The following BDP1 variants were observed in gnomAD, a reference collection of about 807,000 sequenced individuals.
BDP1 encodes the protein BDP1 general transcription factor IIIB subunit.
A neutral mutation model predicts 266.6 loss-of-function variants in BDP1; 169 were observed. The ratio of observed to expected loss-of-function variants is 0.63; its 90% CI spans 0.56 to 0.72. The LOEUF (loss-of-function observed/expected upper bound fraction) is 0.72, where lower values mean the gene tolerates loss of function less well. Among genes scored for constraint, BDP1 ranks in the 30% least tolerant of loss-of-function variants. BDP1 has a pLI of 0.00. For synonymous variants in BDP1, 1,090 were observed against 1,022.4 expected (o/e 1.07, Z -1.26); for missense variants, 3,015 against 3,053.8 (o/e 0.99, Z 0.30).
chr5:71,575,689 C>T, the BDP1 span, among the ~76,000 whole-genome samples: 1 of 152,134 alleles, frequency 6.6e-6, no homozygotes, highest in Non-Finnish European at 1.5e-5. Flanking sequence ...CCTCAATTTG[C>T]CTTCTCTGTG....
intron 5 of BDP1, among the ~76,000 whole-genome samples, chr5:71,466,969 C>T (rs983966367): frequency 6.6e-6 from 1 of 152,104 alleles, no homozygotes; most frequent in Non-Finnish European, 1.5e-5. Flanking sequence ...TAACTGCTTT[C>T]TCTGCAGGAA....
chr5:71,478,610 C>T (rs543471699), intron 7 of BDP1, among the ~76,000 whole-genome samples: 4 of 151,350 alleles, frequency 2.6e-5, no homozygotes, highest in African/African-American at 9.7e-5. Context: ...GTAATCATAT[C>T]GTTCTTGCCT....
chr5:71,568,327 G>T (rs1380858752), downstream of BDP1, among the ~76,000 whole-genome samples: 1 of 152,116 alleles, frequency 6.6e-6, no homozygotes, highest in East Asian at 1.9e-4. Context: ...CTAAAAATCG[G>T]CAGTCTTACG....
intron 16 of BDP1, among the ~76,000 whole-genome samples, chr5:71,508,586 A>G (rs1349173962): frequency 6.6e-6 from 1 of 152,116 alleles, no homozygotes; most frequent in Non-Finnish European, 1.5e-5. Context: ...GCCCAGCTCA[A>G]TACGTCTTTT....
At chr5:71,513,525 G>A (rs1456936104) in intron 19 of BDP1, 118 bp downstream of exon 19, 2 of 688,644 alleles carry the variant, frequency 2.9e-6, no homozygotes, top group Non-Finnish European at 5.0e-6. Context: ...AATTTTTGCT[G>A]CATGTGATAT....
At chr5:71,495,176 A>T in intron 11 of BDP1, 74 bp from the exon 12 acceptor site, 1 of 941,388 alleles carries the variant, frequency 1.1e-6, no homozygotes, top group South Asian at 3.1e-5. Context: ...TGTGTGTTTA[A>T]CATTTTTAAA....
In BDP1 at chr5:71,504,608, G is replaced by A. The variant is rs576905418; in HGVS notation, c.2242-13G>A. The stretch of plus-strand genomic sequence containing the variant: ...GAAACCTAAAACATTAGAAAAATTT[G>A]TTTGTTTTTAAGACTCCTCAACACA... On this transcript the variant is annotated splice_polypyrimidine_tract_variant and intron_variant, in intron 15 of 38. Transcript: ENST00000358731. 2 of 1,592,952 alleles carry A rather than the reference G, an allele frequency of 1.3e-6. No individual in the cohort carries two copies. Among genetic ancestry groups the A allele is most frequent in the African/African-American group, 2.7e-5 (2 of 73,998 alleles).
Position 71,510,564 on chromosome 5 carries a change from A to G in BDP1, c.3472A>G (p.Asn1158Asp). The G allele has an allele frequency of 6.2e-7, 1 of 1,613,938 alleles. No individual in the cohort carries two copies. Among genetic ancestry groups the G allele is most frequent in the Non-Finnish European group, 8.5e-7 (1 of 1,180,026 alleles). The change falls in exon 17 of 39, where the codon AAT (asparagine) becomes GAT (aspartate). Residue 1158 changes from asparagine (N) to aspartate (D), a missense_variant. Physicochemically the swap from Asn to Asp is conservative, Grantham distance 23. Coordinates refer to ENST00000358731, the MANE Select transcript of BDP1 (RefSeq NM_018429.3). The stretch of plus-strand genomic sequence containing the variant: ...AAGAAGAGAAATATCCCCAGAGGAA[A>G]ATGGCCCAGAGGAGGTCAAGCCTGT... ...TGRREISPEE[N>D]GPEEVKPVDE...
At chr5:71,530,402 AT>A (rs879465844) in intron 25 of BDP1, among the ~76,000 whole-genome samples, 2 of 149,354 alleles carry the variant, frequency 1.3e-5, no homozygotes, top group African/African-American at 2.5e-5. Context: ...CACCCGGCTA[AT>A]TTTTTTTTTA....
chr5:71,486,132 A>G (rs1289617283), intron 8 of BDP1, among the ~76,000 whole-genome samples: 1 of 152,110 alleles, frequency 6.6e-6, no homozygotes, highest in African/African-American at 2.4e-5. Context: ...TCCACTCAGT[A>G]TGTTTTTGAG....
intron 14 of BDP1, among the ~76,000 whole-genome samples, chr5:71,502,375 T>C (rs199942017): frequency 6.6e-6 from 1 of 151,922 alleles, no homozygotes; most frequent in Non-Finnish European, 1.5e-5. Context: ...GGTTTAACCA[T>C]GTCGGCCAGG....
rs757977723 is a variant in BDP1, at chr5:71,495,433, T to A, written c.1799+25T>A. 2.7e-6 allele frequency: 4 copies of A among 1,493,184 alleles called. 1 individual carries two copies. 92.5% of individuals were successfully genotyped at this position (1,493,184 alleles called of 1,614,324 possible). Reference sequence around the variant, plus strand: ...TGTAAGTATTTTATACGATAGGATTTATTTATAAAATTTTGATAAGGTTCT... The same window carrying A: ...TGTAAGTATTTTATACGATAGGATTAATTTATAAAATTTTGATAAGGTTCT... On this transcript the variant is annotated intron_variant, in intron 12 of 38. Transcript: ENST00000358731.
rs1743250385 is a variant in BDP1 at position 71,556,887 on chromosome 5, T to C, written c.7202T>C (p.Val2401Ala). Residue 2401 changes from valine to alanine, a missense_variant and splice_region_variant, in exon 36 of 39, where the codon GTG becomes GCG. Around this residue, in one of 3 missense-constraint regions of BDP1, gnomAD observed 629 missense variants for 632.5 expected, o/e 0.99. Transcript: ENST00000358731. Reference sequence around the variant, plus strand: ...TTTTTTTAAATTTTCTTAAAATAGGTGCACTCAAAGGAATTAACAAATGTT... The same window carrying C: ...TTTTTTTAAATTTTCTTAAAATAGGCGCACTCAAAGGAATTAACAAATGTT... ...RDDCQEYTTE[V>A]HSKELTNVFE... is the part of the protein sequence containing the mutation. 7.1e-7 allele frequency: 1 copy of C among 1,408,820 alleles called. No individual in the cohort carries two copies. The highest frequency in any genetic ancestry group is 1.5e-5 in the South Asian group (1 of 67,688). 87.3% of individuals were successfully genotyped at this position (1,408,820 alleles called of 1,614,324 possible).
intron 10 of BDP1, 65 bp from the exon 11 acceptor site, chr5:71,490,919 T>A: frequency 6.6e-7 from 1 of 1,521,032 alleles, no homozygotes; most frequent in South Asian, 1.3e-5. Flanking sequence ...GGTAAATTCC[T>A]TTGTGCTCTA....
intron 7 of BDP1, among the ~76,000 whole-genome samples, chr5:71,477,198 C>G (rs1762644308): frequency 6.6e-6 from 1 of 151,570 alleles, no homozygotes; most frequent in South Asian, 2.1e-4. Context: ...GTCTTTGTTG[C>G]TCGGGCTGGA....
At position 71,510,517 on chromosome 5, in the gene BDP1, A is replaced by C; in HGVS notation, c.3425A>C (p.Asp1142Ala). The change falls in exon 17 of 39, where the codon GAC becomes GCC. Residue 1142 changes from aspartate to alanine, a missense_variant. Coordinates refer to ENST00000358731, the MANE Select transcript of BDP1 (RefSeq NM_018429.3). ...PEVIDATEEI[D>A]KDLEETGRRE... ...GTGATTGATGCCACTGAGGAAATAG[A>C]CAAAGATCTGGAAGAAACTGGAAGA... 6.2e-7 allele frequency: 1 copy of C among 1,614,022 alleles called. No homozygotes were observed. The highest frequency in any genetic ancestry group is 8.5e-7 in the Non-Finnish European group (1 of 1,180,002).
At chr5:71,516,369 T>TA in intron 21 of BDP1, 98 bp downstream of exon 21, 1 of 870,600 alleles carries the variant, frequency 1.1e-6, no homozygotes, top group Non-Finnish European at 1.8e-6. Flanking sequence ...ATCTGACACT[T>TA]ATTCTACTCA....
chr5:71,457,408 C>T (rs949247127), intron 1 of BDP1, among the ~76,000 whole-genome samples: 5 of 151,336 alleles, frequency 3.3e-5, no homozygotes, highest in African/African-American at 7.3e-5. Context: ...CTCCACCTCC[C>T]GGGTTCTTGC....
intron 13 of BDP1, among the ~76,000 whole-genome samples, chr5:71,500,924 A>G (rs1219859781): frequency 6.6e-6 from 1 of 151,798 alleles, no homozygotes; most frequent in African/African-American, 2.4e-5. Flanking sequence ...ACATGGCAAG[A>G]TCTGGTCTCT....
Sources: allele counts gnomAD v4.1 joint callset (sites outside exome capture counted in the v4.1 genomes callset), GRCh38; gene constraint gnomAD v4.1.1; regional missense constraint gnomAD v4.1.1; transcripts MANE v1.5; gene names NCBI Gene and HGNC (gene_info 2026-07-23, HGNC 2026-07-21).